The following PCDHA2 variants were observed in gnomAD, a reference collection of about 807,000 sequenced individuals.
PCDHA2 encodes protocadherin alpha 2.
PCDHA2 carries 58 observed loss-of-function variants against 66.0 expected under a neutral mutation model. The ratio of observed to expected loss-of-function variants is 0.88; its 90% CI spans 0.71 to 1.09. PCDHA2 has a LOEUF of 1.09. Among genes scored for constraint, PCDHA2 ranks in the 50% least tolerant of loss-of-function variants. The pLI is 0.00. For missense variants in PCDHA2, 1,267 were observed against 1,242.3 expected (o/e 1.02, Z -0.30); for synonymous variants, 634 against 554.0 (o/e 1.14, Z -2.03).
At chr5:140,881,070 T>C (rs1461614506) in intron 1 of PCDHA2, among the ~76,000 whole-genome samples, 6 of 152,208 alleles carry the variant, frequency 3.9e-5, no homozygotes, top group Non-Finnish European at 8.8e-5. Flanking sequence ...CAGATAATTA[T>C]TGGAGCTATG....
intron 1 of PCDHA2, chr5:140,835,547 C>A: frequency 1.2e-6 from 2 of 1,613,960 alleles, no homozygotes; most frequent in Non-Finnish European, 1.7e-6. Context: ...TTACCTGCTC[C>A]CTGACGCCCC....
chr5:140,988,418 G>T (rs1372180292), intron 3 of PCDHA2, among the ~76,000 whole-genome samples: 2 of 152,150 alleles, frequency 1.3e-5, no homozygotes, highest in Non-Finnish European at 2.9e-5. Context: ...CTTATGTAAA[G>T]AATTTGTTTG....
At chr5:140,822,246 G>A (rs2150114892) in intron 1 of PCDHA2, 11 of 1,614,194 alleles carry the variant, frequency 6.8e-6, no homozygotes, top group East Asian at 4.5e-5. Context: ...AGGGCGCGTC[G>A]GATTTGGATA....
intron 1 of PCDHA2, chr5:140,862,649 C>A: frequency 3.7e-6 from 2 of 543,104 alleles, no homozygotes; most frequent in South Asian, 1.4e-5. Context: ...ACAGTGTCCG[C>A]GCGGGACCGG....
intron 1 of PCDHA2, among the ~76,000 whole-genome samples, chr5:140,937,624 A>G (rs2091636613): frequency 6.6e-6 from 1 of 150,778 alleles, no homozygotes; most frequent in Non-Finnish European, 1.5e-5. Context: ...CTAAAAAGAA[A>G]AAGAAAGGCA....
chr5:140,882,698 G>A (rs562320262), intron 1 of PCDHA2: 18 of 1,614,200 alleles, frequency 1.1e-5, no homozygotes, highest in Middle Eastern at 1.6e-4. Context: ...AATCATTGCA[G>A]AATCTAGACC....
intron 1 of PCDHA2, chr5:140,870,708 C>G (rs781841032): frequency 1.8e-5 from 29 of 1,612,898 alleles, no homozygotes; most frequent in Non-Finnish European, 2.5e-5. Context: ...TCCAGGTGAG[C>G]GCGCGCGATG....
At chr5:140,807,097 A>G in intron 1 of PCDHA2, 1 of 1,390,244 alleles carries the variant, frequency 7.2e-7, no homozygotes, top group Non-Finnish European at 9.9e-7. Flanking sequence ...TGAAATATGG[A>G]GGATGCAGCT....
At chr5:140,857,736 C>T in intron 1 of PCDHA2, 2 of 1,597,364 alleles carry the variant, frequency 1.3e-6, no homozygotes, top group African/African-American at 1.3e-5. Flanking sequence ...AACGCTCCCG[C>T]GCTGCTGGCG....
At chr5:140,990,537 A>G (rs2097398813) in intron 3 of PCDHA2, among the ~76,000 whole-genome samples, 1 of 152,192 alleles carries the variant, frequency 6.6e-6, no homozygotes, top group Non-Finnish European at 1.5e-5. Flanking sequence ...TGTGCATCAT[A>G]GATACTGTAT....
intron 1 of PCDHA2, among the ~76,000 whole-genome samples, chr5:140,895,632 A>T (rs2065081182): frequency 6.6e-6 from 1 of 152,052 alleles, no homozygotes; most frequent in South Asian, 2.1e-4. Context: ...GTCTTTTCAC[A>T]TTCTTTTTTA....
chr5:140,829,250 T>C, intron 1 of PCDHA2: 1 of 1,614,278 alleles, frequency 6.2e-7, no homozygotes, highest in Non-Finnish European at 8.5e-7. Context: ...GCAGGTGAAC[T>C]GCTCGCTGAC....
At chr5:141,006,390 T>G (rs539931677) in intron 3 of PCDHA2, among the ~76,000 whole-genome samples, 149 of 152,058 alleles carry the variant, frequency 9.8e-4, no homozygotes, top group African/African-American at 3.0e-3. Context: ...TTTTTTCTAT[T>G]TTTTAGTAGA....
At chr5:140,889,169 G>A (rs2062128594) in intron 1 of PCDHA2, among the ~76,000 whole-genome samples, 1 of 151,182 alleles carries the variant, frequency 6.6e-6, no homozygotes, top group African/African-American at 2.4e-5. Flanking sequence ...AAGTATTCAA[G>A]TTATAAATAA....
At chr5:140,917,278 C>T (rs188364646) in intron 1 of PCDHA2, among the ~76,000 whole-genome samples, 198 of 143,570 alleles carry the variant, frequency 1.4e-3, no homozygotes, top group South Asian at 9.8e-3. Flanking sequence ...TTTGTAATGA[C>T]GCTTTTCCGT....
chr5:140,841,447 C>A, intron 1 of PCDHA2: 1 of 1,612,948 alleles, frequency 6.2e-7, no homozygotes, highest in Non-Finnish European at 8.5e-7. Context: ...CCAAACACGG[C>A]ACCTTCGTGG....
chr5:140,991,570 C>T (rs1554252306), intron 3 of PCDHA2, among the ~76,000 whole-genome samples: 1 of 152,220 alleles, frequency 6.6e-6, no homozygotes, highest in Non-Finnish European at 1.5e-5. Context: ...TTTCCAATAA[C>T]AGGCTCCTTA....
At chr5:140,856,023 G>A in intron 1 of PCDHA2, 2 of 1,556,224 alleles carry the variant, frequency 1.3e-6, no homozygotes, top group Non-Finnish European at 8.7e-7. Context: ...CTGATTCGTC[G>A]ATTTGTAAAA....
Position 140,795,220 on chromosome 5 carries a change from G to A in PCDHA2, c.256G>A (p.Val86Met). 2 of 1,614,236 alleles carry A rather than the reference G, an allele frequency of 1.2e-6. No homozygotes were observed. Among genetic ancestry groups the A allele is most frequent in the Non-Finnish European group, 8.5e-7 (1 of 1,180,048 alleles). Residue 86 changes from valine (V) to methionine (M), a missense_variant, in exon 1 of 4, where the codon GTG becomes ATG. Coordinates refer to ENST00000526136, the MANE Select transcript of PCDHA2 (RefSeq NM_018905.3). Reference protein sequence around the residue: ...EVNLQNGILFVNSRIDREELC... With the variant: ...EVNLQNGILFMNSRIDREELC... ...AAATCTGCAGAATGGCATTTTGTTT[G>A]TGAATTCTCGGATCGACCGGGAGGA...
Sources: allele counts gnomAD v4.1 joint callset (sites outside exome capture counted in the v4.1 genomes callset), GRCh38; gene constraint gnomAD v4.1.1; transcripts MANE v1.5; gene names NCBI Gene and HGNC (gene_info 2026-07-23, HGNC 2026-07-21).